KIF2A: variants seen among roughly 807,000 people sequenced by gnomAD.
The protein encoded by KIF2A is kinesin family member 2A, also known as kinesin-like protein KIF2A.
Under a neutral mutation model 100.2 loss-of-function variants are expected in KIF2A, and 22 were observed. The observed-to-expected ratio is 0.22, with a 90% CI of 0.16 to 0.31. KIF2A has a LOEUF of 0.31. Among genes scored for constraint, KIF2A ranks in the 10% least tolerant of loss-of-function variants. KIF2A has a pLI of 1.00. For synonymous variants in KIF2A, 268 were observed against 285.9 expected, an observed-to-expected ratio of 0.94 and a Z score of 0.63; for missense variants, 495 against 898.7, an observed-to-expected ratio of 0.55 and a Z score of 5.74.
At position 62,373,782 on chromosome 5, in the gene KIF2A, G is replaced by C. The variant is rs755183498; in HGVS notation, c.1856G>C (p.Trp619Ser). The change falls in exon 18 of 21, where the codon TGG becomes TCG. Residue 619 changes from tryptophan to serine, a missense_variant. Trp to Ser is a radical substitution (Grantham distance 177). Coordinates refer to ENST00000407818, the MANE Select transcript of KIF2A (RefSeq NM_001098511.3). Reference sequence around the variant, plus strand: ...CAGATTGATGACTTAGAGACACAGTGGGGTGTGGGGAGTTCCCCTCAGAGA... The same window carrying C: ...CAGATTGATGACTTAGAGACACAGTCGGGTGTGGGGAGTTCCCCTCAGAGA... ...PNQIDDLETQ[W>S]GVGSSPQRDD... 1.2e-6 allele frequency: 2 copies of C among 1,612,446 alleles called. No homozygotes were observed. The highest frequency in any genetic ancestry group is 1.7e-5 in the Admixed American group (1 of 59,996).
At chr5:62,328,857 A>G (rs1317950201) in intron 1 of KIF2A, among the ~76,000 whole-genome samples, 1 of 152,286 alleles carries the variant, frequency 6.6e-6, no homozygotes, top group South Asian at 2.1e-4. Context: ...TGTTACGCAA[A>G]TTCTGAATGA....
intron 1 of KIF2A, among the ~76,000 whole-genome samples, chr5:62,338,873 A>C (rs1747123064): frequency 6.6e-6 from 1 of 152,162 alleles, no homozygotes; most frequent in Non-Finnish European, 1.5e-5. Flanking sequence ...AGGCCCCAAC[A>C]CTCAAGTCAG....
intron 1 of KIF2A, among the ~76,000 whole-genome samples, chr5:62,336,573 A>G (rs1464457608): frequency 1.3e-5 from 2 of 152,224 alleles, no homozygotes; most frequent in Admixed American, 1.3e-4. Flanking sequence ...TGAAAATTAG[A>G]AAAATAGGTG....
intron 1 of KIF2A, among the ~76,000 whole-genome samples, chr5:62,320,625 A>G (rs1248585127): frequency 2.0e-5 from 3 of 151,970 alleles, no homozygotes; most frequent in Admixed American, 2.0e-4. Flanking sequence ...AGTGTTTATG[A>G]GGTCCAAACA....
At chr5:62,324,278 G>A (rs189737074) in intron 1 of KIF2A, among the ~76,000 whole-genome samples, 140 of 152,092 alleles carry the variant, frequency 9.2e-4, no homozygotes, top group African/African-American at 3.1e-3. Flanking sequence ...TAAAATGGCC[G>A]TACTGCCCAA....
chr5:62,376,844 G>A (rs2111994397), intron 18 of KIF2A, among the ~76,000 whole-genome samples: 1 of 152,134 alleles, frequency 6.6e-6, no homozygotes, highest in South Asian at 2.1e-4. Context: ...GTATATAGTT[G>A]TCCCTCAGTT....
chr5:62,362,084 T>C (rs1748442415), intron 11 of KIF2A, among the ~76,000 whole-genome samples: 1 of 151,496 alleles, frequency 6.6e-6, no homozygotes, highest in African/African-American at 2.4e-5. Context: ...GAAATCTTGA[T>C]TATATTTGTC....
At chr5:62,350,011 A>G in intron 3 of KIF2A, 55 bp from the exon 4 acceptor site, 1 of 1,138,950 alleles carries the variant, frequency 8.8e-7, no homozygotes, top group Non-Finnish European at 1.3e-6. Flanking sequence ...TCAGATCATG[A>G]TACATATGAG....
chr5:62,319,184 C>A (rs972502453), intron 1 of KIF2A, among the ~76,000 whole-genome samples: 1 of 151,032 alleles, frequency 6.6e-6, no homozygotes, highest in African/African-American at 2.5e-5. Context: ...ACAACAACAA[C>A]AACAAAAAAC....
intron 1 of KIF2A, among the ~76,000 whole-genome samples, chr5:62,322,699 G>A (rs902682261): frequency 6.6e-6 from 1 of 151,916 alleles, no homozygotes; most frequent in Non-Finnish European, 1.5e-5. Context: ...GGTGGGAAAC[G>A]GTTGCCTTTT....
At chr5:62,357,141 A>G (rs1046431060) in intron 7 of KIF2A, among the ~76,000 whole-genome samples, 2 of 145,984 alleles carry the variant, frequency 1.4e-5, no homozygotes, top group African/African-American at 2.6e-5. Context: ...TGGTGGGCAG[A>G]GGCATAATCT....
chr5:62,322,452 C>T (rs1414350595), intron 1 of KIF2A, among the ~76,000 whole-genome samples: 1 of 152,036 alleles, frequency 6.6e-6, no homozygotes, highest in East Asian at 1.9e-4. Context: ...TTGTCTAATC[C>T]AAGATGAGAC....
chr5:62,338,164 G>A (rs1747076049), intron 1 of KIF2A, among the ~76,000 whole-genome samples: 1 of 152,110 alleles, frequency 6.6e-6, no homozygotes, highest in Admixed American at 6.5e-5. Context: ...CTATGACACA[G>A]GTAGTATTGC....
intron 2 of KIF2A, 85 bp from the exon 3 acceptor site, chr5:62,347,963 A>G (rs1191092779): frequency 2.1e-6 from 3 of 1,429,026 alleles, no homozygotes; most frequent in Admixed American, 1.9e-5. Context: ...TTTAAGAGTT[A>G]TTTACTTCAT....
At chr5:62,325,533 A>G (rs989867091) in intron 1 of KIF2A, among the ~76,000 whole-genome samples, 7 of 152,238 alleles carry the variant, frequency 4.6e-5, no homozygotes, top group African/African-American at 1.4e-4. Flanking sequence ...CAACAGGTAT[A>G]TGAAAAAATG....
At chr5:62,335,657 G>C (rs1746906435) in intron 1 of KIF2A, among the ~76,000 whole-genome samples, 1 of 152,092 alleles carries the variant, frequency 6.6e-6, no homozygotes, top group African/African-American at 2.4e-5. Context: ...CTAGAGATGG[G>C]CATTGCCAGC....
intron 1 of KIF2A, among the ~76,000 whole-genome samples, chr5:62,321,947 G>A (rs1017046611): frequency 1.3e-5 from 2 of 151,868 alleles, no homozygotes; most frequent in African/African-American, 4.8e-5. Context: ...TTGAGACAGC[G>A]TCTCACTCTG....
At chr5:62,318,959 TG>T (rs1285656170) in intron 1 of KIF2A, among the ~76,000 whole-genome samples, 1 of 152,222 alleles carries the variant, frequency 6.6e-6, no homozygotes, top group East Asian at 1.9e-4. Context: ...GTCAGAAACT[TG>T]GTTGTCTTCC....
rs534659657 is a variant in KIF2A at position 62,330,877 on chromosome 5, T to A, written c.65-16253T>A. ...CATTACATGGCTGTATACATATGAATCACCGGTGACTACTTTTTAAAAATA... is the reference window on the plus strand; with the variant it reads ...CATTACATGGCTGTATACATATGAAACACCGGTGACTACTTTTTAAAAATA... On this transcript the variant is annotated intron_variant, in intron 1 of 20. Transcript: ENST00000407818. Among the ~76,000 whole-genome samples the A allele has an allele frequency of 4.2e-4, 64 of 152,272 alleles. 1 individual carries two copies. The South Asian group carries it at 0.013, about 31-fold the overall frequency.
Sources: allele counts gnomAD v4.1 joint callset (sites outside exome capture counted in the v4.1 genomes callset), GRCh38; gene constraint gnomAD v4.1.1; transcripts MANE v1.5; gene names NCBI Gene and HGNC (gene_info 2026-07-23, HGNC 2026-07-21).